DNAAF10: variants seen among roughly 807,000 people sequenced by gnomAD.
The protein encoded by DNAAF10 is dynein axonemal assembly factor 10.
Under a neutral mutation model 43.7 loss-of-function variants are expected in DNAAF10, and 28 were observed. That is an observed-to-expected ratio of 0.64 (90% CI 0.48 to 0.88). The LOEUF (loss-of-function observed/expected upper bound fraction) is 0.88, where lower values mean the gene tolerates loss of function less well. DNAAF10 is among the 40% of genes least tolerant of loss of function. The pLI is 0.00. For synonymous variants in DNAAF10, 156 were observed against 157.3 expected (o/e 0.99, Z 0.06); for missense variants, 403 against 439.1 (o/e 0.92, Z 0.73).
intron 7 of DNAAF10, among the ~76,000 whole-genome samples, chr2:68,132,679 A>C (rs1324628278): frequency 6.6e-6 from 1 of 152,222 alleles, no homozygotes. Context: ...ATTTAATTGC[A>C]TTACTACCAA....
chr2:68,136,335 GA>G (rs751683631), intron 6 of DNAAF10, among the ~76,000 whole-genome samples: 3 of 151,954 alleles, frequency 2.0e-5, no homozygotes, highest in Non-Finnish European at 2.9e-5. Context: ...TTAGTAAAGT[GA>G]TTTATGTTGT....
At chr2:68,152,510 T>G (rs1358691419) in intron 1 of DNAAF10, among the ~76,000 whole-genome samples, 1 of 152,122 alleles carries the variant, frequency 6.6e-6, no homozygotes, top group Non-Finnish European at 1.5e-5. Flanking sequence ...AGCTAATTTT[T>G]CATAGTTCAC....
rs538259988 is a variant in DNAAF10, at chr2:68,142,551, G to A, written c.416-756C>T. On this transcript the variant is annotated intron_variant, in intron 3 of 7. Transcript: ENST00000295121. Reference sequence around the variant, plus strand: ...TGGGATTACCGGCGTGAGCCACTGTGCCTGGCCTAGAATACTATTTCATAT... The same window carrying A: ...TGGGATTACCGGCGTGAGCCACTGTACCTGGCCTAGAATACTATTTCATAT... Among the ~76,000 whole-genome samples, 4 of 152,296 alleles carry A rather than the reference G, an allele frequency of 2.6e-5. No individual in the cohort carries two copies. In the East Asian group the frequency reaches 7.7e-4, roughly 29 times the overall value.
At chr2:68,131,567 A>T (rs1241920214) in intron 7 of DNAAF10, 122 bp from the exon 8 acceptor site, 4 of 891,184 alleles carry the variant, frequency 4.5e-6, no homozygotes, top group Non-Finnish European at 6.8e-6. Context: ...ATACTTAAAG[A>T]ATCTTTCTAA....
At chr2:68,151,800 C>T (rs1264165703) in intron 1 of DNAAF10, among the ~76,000 whole-genome samples, 1 of 152,204 alleles carries the variant, frequency 6.6e-6, no homozygotes, top group Non-Finnish European at 1.5e-5. Context: ...CTATTGAACA[C>T]CTACATTTCA....
chr2:68,149,874 G>A (rs1673410747), intron 1 of DNAAF10, among the ~76,000 whole-genome samples: 1 of 152,226 alleles, frequency 6.6e-6, no homozygotes, highest in South Asian at 2.1e-4. Context: ...CAGACCCTCT[G>A]AGGTAAGAAG....
In DNAAF10 at chr2:68,153,345, T is replaced by TAA. The variant is rs775794947; in HGVS notation, c.183+3914_183+3915dup. On this transcript the variant is annotated intron_variant, in intron 1 of 7. Transcript: ENST00000295121. ...TGTGAGCTCCAAGTCAGTGATAAAT[T>TAA]AAAAAAAAAAAAAAAAAAAAAAGAA... is the stretch of plus-strand genomic sequence containing the variant. Among the ~76,000 whole-genome samples the TAA allele has an allele frequency of 4.9e-4, 48 of 98,730 alleles. No homozygotes were observed. The East Asian group carries it at 5.8e-3, about 12-fold the overall frequency. 64.8% of individuals were successfully genotyped at this position (98,730 alleles called of 152,430 possible). A position where few individuals can be genotyped will look rare whatever the true frequency, so the allele number is the denominator to read the frequency against.
chr2:68,138,332 G>C (rs1673095615), intron 5 of DNAAF10, among the ~76,000 whole-genome samples: 1 of 152,110 alleles, frequency 6.6e-6, no homozygotes, highest in African/African-American at 2.4e-5. Context: ...GCTAACAGTA[G>C]AAAACAGGAG....
rs1317029892 is a variant in DNAAF10, at chr2:68,138,770, A to G, written c.605T>C (p.Leu202Ser). The change falls in exon 5 of 8, where the codon TTA becomes TCA. Residue 202 changes from leucine (L) to serine (S), a missense_variant. Coordinates refer to ENST00000295121, the MANE Select transcript of DNAAF10 (RefSeq NM_138458.4). ...ATTTTTGATGTTTGTCTCCCACCGT[A>G]ATGCCATATTTCTGAGATCAAATAG... ...IKLFDLRNMA[L>S]RWETNIKNGV... 1.1e-5 allele frequency: 18 copies of G among 1,613,884 alleles called. No homozygotes were observed. The highest frequency in any genetic ancestry group is 2.2e-5 in the East Asian group (1 of 44,888).
In DNAAF10 at chr2:68,131,037, T is replaced by TCC; in HGVS notation, c.*199_*200dup. On this transcript the variant is annotated 3_prime_UTR_variant, in exon 8 of 8. Coordinates refer to ENST00000295121, the MANE Select transcript of DNAAF10 (RefSeq NM_138458.4). ...TTCACGCCATTCTCCTGCCTCAGCC[T>TCC]CCCAAGTAGCTAGGACTACAGATGC... 1 of 391,340 alleles carries TCC rather than the reference T, an allele frequency of 2.6e-6. No individual in the cohort carries two copies. The highest frequency in any genetic ancestry group is 3.7e-5 in the Admixed American group (1 of 26,910). The allele number at this position is 391,340 out of a possible 1,614,324, so 24.2% of individuals were successfully genotyped here.
chr2:68,139,483 G>C (rs1293591089), intron 4 of DNAAF10, among the ~76,000 whole-genome samples: 1 of 152,118 alleles, frequency 6.6e-6, no homozygotes, highest in Non-Finnish European at 1.5e-5. Context: ...ATGCAAAGCA[G>C]ACTAACTAAT....
chr2:68,153,815 G>C (rs185420273), intron 1 of DNAAF10, among the ~76,000 whole-genome samples: 1 of 138,816 alleles, frequency 7.2e-6, no homozygotes, highest in Admixed American at 8.0e-5. Flanking sequence ...GCAATGGCGC[G>C]ATCTCGGCTC....
At chr2:68,154,629 G>A (rs570490745) in intron 1 of DNAAF10, among the ~76,000 whole-genome samples, 5 of 152,224 alleles carry the variant, frequency 3.3e-5, no homozygotes, top group East Asian at 1.9e-4. Flanking sequence ...ATGTTCTATC[G>A]TGGACACATA....
At chr2:68,137,123 T>C (rs1156286786) in intron 6 of DNAAF10, among the ~76,000 whole-genome samples, 176 bp downstream of exon 6, 1 of 152,190 alleles carries the variant, frequency 6.6e-6, no homozygotes, top group African/African-American at 2.4e-5. Context: ...CTAAAGTTGA[T>C]AAACTTTGGG....
chr2:68,137,550 AT>A (rs1221298464), intron 5 of DNAAF10, 117 bp from the exon 6 acceptor site: 3 of 1,055,414 alleles, frequency 2.8e-6, no homozygotes, highest in Middle Eastern at 3.3e-4. Flanking sequence ...TCCAACAATC[AT>A]TTATCTTTTA....
At position 68,141,770 on chromosome 2, in the gene DNAAF10, C is replaced by G. The variant is rs1314101013; in HGVS notation, c.441G>C (p.Arg147Ser). Residue 147 changes from arginine (R) to serine (S), a missense_variant, in exon 4 of 8, where the codon AGG becomes AGC. By Grantham distance (110) the Arg-to-Ser change is moderately radical (BLOSUM62 -1). Transcript: ENST00000295121. ...TATTAGCAACAGGATCATCTTTTTG[C>G]CTTGGGTCCCACACCTTCACAGTTC... The part of the protein sequence containing the change: ...RDGTVKVWDP[R>S]QKDDPVANME... 5 of 1,614,096 alleles carry G rather than the reference C, an allele frequency of 3.1e-6. No individual in the cohort carries two copies. In the South Asian group the frequency reaches 5.5e-5, roughly 18 times the overall value.
intron 1 of DNAAF10, among the ~76,000 whole-genome samples, chr2:68,148,044 T>C (rs1572925362): frequency 6.6e-6 from 1 of 152,210 alleles, no homozygotes; most frequent in Non-Finnish European, 1.5e-5. Context: ...ATTTATAAAC[T>C]TGTGTGTACC....
At chr2:68,135,532 C>T (rs556079485) in intron 6 of DNAAF10, among the ~76,000 whole-genome samples, 8 of 152,092 alleles carry the variant, frequency 5.3e-5, no homozygotes, top group Non-Finnish European at 1.0e-4. Context: ...CTGGGGGGAA[C>T]TTAGGAGAGA....
intron 1 of DNAAF10, among the ~76,000 whole-genome samples, chr2:68,154,171 G>C (rs1443739974): frequency 6.6e-6 from 1 of 152,138 alleles, no homozygotes; most frequent in African/African-American, 2.4e-5. Context: ...ACAGTACCTT[G>C]AAATAGTGTG....
Sources: allele counts gnomAD v4.1 joint callset (sites outside exome capture counted in the v4.1 genomes callset), GRCh38; gene constraint gnomAD v4.1.1; transcripts MANE v1.5; gene names NCBI Gene and HGNC (gene_info 2026-07-23, HGNC 2026-07-21).